Variants in CFAP221 observed in about 807,000 individuals in gnomAD.
CFAP221 encodes the protein cilia and flagella associated protein 221.
Under a neutral mutation model 113.1 loss-of-function variants are expected in CFAP221, and 97 were observed. The observed-to-expected ratio is 0.86, with a 90% confidence interval of 0.73 to 1.02. The LOEUF is 1.02. Among genes scored for constraint, CFAP221 ranks in the 50% least tolerant of loss-of-function variants. The pLI, the probability that CFAP221 is intolerant of heterozygous loss-of-function variation, is 0.00. For missense variants in CFAP221, 1,025 were observed against 1,013.4 expected (o/e 1.01, Z -0.16); for synonymous variants, 331 against 354.4 (o/e 0.93, Z 0.74).
At chr2:119,644,606 C>T (rs114465162) in intron 21 of CFAP221, among the ~76,000 whole-genome samples, 4,209 of 152,126 alleles carry the variant, frequency 0.028, 73 homozygotes, top group Non-Finnish European at 0.041. Context: ...ATACACATTG[C>T]TTCTGGGGTG....
chr2:119,599,189 C>G (rs992804866), intron 7 of CFAP221, among the ~76,000 whole-genome samples: 1 of 152,152 alleles, frequency 6.6e-6, no homozygotes, highest in Admixed American at 6.5e-5. Flanking sequence ...AGACCTATTT[C>G]TAAAGCACTG....
chr2:119,564,436 A>G (rs1344571832), intron 6 of CFAP221, among the ~76,000 whole-genome samples: 1 of 152,190 alleles, frequency 6.6e-6, no homozygotes, highest in African/African-American at 2.4e-5. Context: ...GCACAGTTTG[A>G]ATAATAATAA....
At chr2:119,659,686 C>T (rs147745083), downstream of CFAP221, among the ~76,000 whole-genome samples, 11 of 36,232 alleles carry the variant, frequency 3.0e-4, no homozygotes, top group African/African-American at 6.3e-4. Context: ...ACTGGCCTGA[C>T]CTACTAGCAG....
At chr2:119,656,943 G>T (rs1688468012), downstream of CFAP221, among the ~76,000 whole-genome samples, 1 of 152,144 alleles carries the variant, frequency 6.6e-6, no homozygotes, top group Admixed American at 6.5e-5. Context: ...CAGGGGACCT[G>T]GACCTGGAGA....
chr2:119,654,425 A>C (rs780854637), intron 23 of CFAP221, among the ~76,000 whole-genome samples: 4 of 152,280 alleles, frequency 2.6e-5, no homozygotes, highest in Middle Eastern at 6.8e-3. Flanking sequence ...TTCTACTTCA[A>C]ATATTACCTC....
chr2:119,567,630 G>T (rs1681743443), intron 6 of CFAP221, among the ~76,000 whole-genome samples: 1 of 152,124 alleles, frequency 6.6e-6, no homozygotes, highest in South Asian at 2.1e-4. Flanking sequence ...CCTTTGGGTA[G>T]ATACCAAAGA....
chr2:119,642,838 G>T (rs577147293), intron 21 of CFAP221, among the ~76,000 whole-genome samples: 3 of 151,130 alleles, frequency 2.0e-5, no homozygotes, highest in Non-Finnish European at 4.4e-5. Context: ...ACTGCACCCA[G>T]CTTCTCAGGC....
intron 6 of CFAP221, among the ~76,000 whole-genome samples, chr2:119,577,551 G>A (rs543421931): frequency 3.9e-5 from 6 of 152,162 alleles, no homozygotes; most frequent in Non-Finnish European, 8.8e-5. Flanking sequence ...CAGCAGGTAA[G>A]AGCTCAGGTT....
At chr2:119,653,648 C>T (rs1210162099) in intron 23 of CFAP221, among the ~76,000 whole-genome samples, 2 of 152,190 alleles carry the variant, frequency 1.3e-5, no homozygotes, top group African/African-American at 2.4e-5. Flanking sequence ...TCCTTTCAAA[C>T]TTATCAGACT....
intron 6 of CFAP221, among the ~76,000 whole-genome samples, chr2:119,579,381 A>T (rs182111300): frequency 2.0e-5 from 3 of 152,198 alleles, no homozygotes; most frequent in African/African-American, 7.2e-5. Context: ...TAAAATGTAA[A>T]ATTCCACCCA....
At chr2:119,649,033 G>A (rs1416438092) in intron 22 of CFAP221, among the ~76,000 whole-genome samples, 1 of 152,204 alleles carries the variant, frequency 6.6e-6, no homozygotes, top group Non-Finnish European at 1.5e-5. Flanking sequence ...AGTGAAGGAA[G>A]TGTTCTGAAG....
At chr2:119,634,299 A>G (rs774421099) in intron 19 of CFAP221, among the ~76,000 whole-genome samples, 2 of 151,766 alleles carry the variant, frequency 1.3e-5, no homozygotes, top group Admixed American at 6.6e-5. Context: ...ACATAACAAG[A>G]CACTGTTTCT....
chr2:119,559,738 C>T lies in CFAP221; in HGVS notation c.290C>T (p.Pro97Leu), dbSNP rs777325513. 1.4e-5 allele frequency: 22 copies of T among 1,532,154 alleles called. No individual in the cohort carries two copies. In the Middle Eastern group the frequency reaches 5.0e-4, roughly 35 times the overall value. 94.9% of individuals were successfully genotyped at this position (1,532,154 alleles called of 1,614,324 possible). The change falls in exon 4 of 24, where the codon CCG becomes CTG. Residue 97 changes from proline (P) to leucine (L), a missense_variant. Coordinates refer to ENST00000413369, the MANE Select transcript of CFAP221 (RefSeq NM_001271049.2). ...GACACACGTGTTCATATTTTACCCC[C>T]GCAAACCAAATACTTTGAGATCAAT... ...NEDTRVHILP[P>L]QTKYFEINYV...
At chr2:119,613,698 A>T (rs1222501388) in intron 13 of CFAP221, among the ~76,000 whole-genome samples, 1 of 152,112 alleles carries the variant, frequency 6.6e-6, no homozygotes, top group East Asian at 1.9e-4. Context: ...AGGTCTCCAG[A>T]CCTGTGATGG....
intron 22 of CFAP221, among the ~76,000 whole-genome samples, chr2:119,650,750 G>A (rs376186090): frequency 2.0e-5 from 3 of 152,198 alleles, no homozygotes; most frequent in Non-Finnish European, 2.9e-5. Flanking sequence ...TTTGCAAAGC[G>A]CCAGCATAGT....
rs149613955 is a variant in CFAP221, at chr2:119,638,914, T to C, written c.2133+497T>C. The stretch of plus-strand genomic sequence containing the variant: ...AGGCCCTTCAAGCTCAATTAACCCT[T>C]AACTCAGATTATGAGCTCTCTCCCC... On this transcript the variant is annotated intron_variant, in intron 20 of 23. Coordinates refer to ENST00000413369, the MANE Select transcript of CFAP221 (RefSeq NM_001271049.2). Among the ~76,000 whole-genome samples, 567 of 152,118 alleles carry C rather than the reference T, an allele frequency of 3.7e-3. 1 individual carries two copies. The highest frequency in any genetic ancestry group is 6.5e-3 in the Non-Finnish European group (439 of 67,972).
chr2:119,623,604 C>T (rs1294278967), intron 14 of CFAP221, among the ~76,000 whole-genome samples: 1 of 152,198 alleles, frequency 6.6e-6, no homozygotes, highest in African/African-American at 2.4e-5. Context: ...ATCATGCTAC[C>T]TGACTTCAAA....
At chr2:119,595,843 A>G (rs1574085700) in intron 7 of CFAP221, among the ~76,000 whole-genome samples, 1 of 152,112 alleles carries the variant, frequency 6.6e-6, no homozygotes, top group Non-Finnish European at 1.5e-5. Flanking sequence ...ATGTCAGCTT[A>G]GACCCAGTTA....
intron 3 of CFAP221, among the ~76,000 whole-genome samples, chr2:119,559,421 C>T (rs1324994539): frequency 2.1e-5 from 3 of 146,304 alleles, no homozygotes; most frequent in Non-Finnish European, 3.0e-5. Flanking sequence ...CTAAAGGATG[C>T]TAAGTCTCGG....
Sources: gnomAD v4.1 joint callset for allele counts (sites outside exome capture counted in the v4.1 genomes callset) on GRCh38, gnomAD v4.1.1 for gene constraint, MANE v1.5 for transcripts, NCBI Gene and HGNC (gene_info 2026-07-23, HGNC 2026-07-21) for gene names.